The following KIZ variants were observed in gnomAD, a reference collection of about 807,000 sequenced individuals.
KIZ encodes the protein centrosomal protein kizuna.
Under a neutral mutation model 79.6 loss-of-function variants are expected in KIZ, and 68 were observed. That is an observed-to-expected ratio of 0.85 (90% CI 0.70 to 1.05). KIZ has a LOEUF of 1.05. Among genes scored for constraint, KIZ ranks in the 50% least tolerant of loss-of-function variants. KIZ has a pLI of 0.00. For missense variants in KIZ, 797 were observed against 800.4 expected, an observed-to-expected ratio of 1.00 and a Z score of 0.05; for synonymous variants, 280 against 281.8, an observed-to-expected ratio of 0.99 and a Z score of 0.06.
chr20:21,246,347 A>T (rs2037385412), intron 12 of KIZ, 132 bp from the exon 13 acceptor site: 1 of 668,754 alleles, frequency 1.5e-6, no homozygotes, highest in Admixed American at 2.6e-5. Context: ...GGTCAGGTAC[A>T]TCATGTGGTG....
chr20:21,240,747 T>C lies in KIZ; in HGVS notation c.1881-3498T>C, dbSNP rs900507313. 4.6e-5 allele frequency among the ~76,000 whole-genome samples: 7 copies of C among 152,356 alleles called. 1 individual carries two copies. The highest frequency in any genetic ancestry group is 1.0e-4 in the Non-Finnish European group (7 of 68,034). On this transcript the variant is annotated intron_variant, in intron 11 of 12. Transcript: ENST00000619189. ...TAAGAGTGGTTTTCACATTTTTAAA[T>C]GGTTGGAAGAAAATTCAAAGAATAA... is the stretch of plus-strand genomic sequence containing the variant.
intron 10 of KIZ, among the ~76,000 whole-genome samples, chr20:21,231,959 T>A (rs1226932557): frequency 1.3e-5 from 2 of 152,224 alleles, no homozygotes; most frequent in East Asian, 3.9e-4. Flanking sequence ...GGACACATTT[T>A]TAAAATAATC....
At chr20:21,152,837 G>A (rs1443305100) in intron 4 of KIZ, among the ~76,000 whole-genome samples, 2 of 152,118 alleles carry the variant, frequency 1.3e-5, no homozygotes, top group Non-Finnish European at 2.9e-5. Flanking sequence ...ACATAGACTA[G>A]GTTTTATTTA....
intron 4 of KIZ, among the ~76,000 whole-genome samples, chr20:21,156,612 A>G (rs946381327): frequency 5.3e-5 from 8 of 152,326 alleles, no homozygotes; most frequent in African/African-American, 1.2e-4. Flanking sequence ...TATTGGCCCA[A>G]TTGACAAAAT....
chr20:21,166,866 T>G (rs1377878086), intron 6 of KIZ, among the ~76,000 whole-genome samples: 2 of 152,192 alleles, frequency 1.3e-5, no homozygotes, highest in East Asian at 3.9e-4. Context: ...GTGCTGGGAT[T>G]AGAGGCGTGA....
intron 4 of KIZ, among the ~76,000 whole-genome samples, chr20:21,160,600 G>C (rs1297114346): frequency 1.3e-5 from 2 of 152,028 alleles, no homozygotes; most frequent in Non-Finnish European, 2.9e-5. Flanking sequence ...CTAATTATTG[G>C]AGGGGTACTC....
At chr20:21,141,819 ACACACTCTCTCT>A (rs1232869891) in intron 3 of KIZ, among the ~76,000 whole-genome samples, 83 of 142,396 alleles carry the variant, frequency 5.8e-4, no homozygotes, top group African/African-American at 1.8e-3. Context: ...ACACACACAC[ACACACTCTCTCT>A]CTCTCTCTCT....
At chr20:21,182,800 CAAAAA>C (rs763359536) in intron 6 of KIZ, among the ~76,000 whole-genome samples, 15 of 82,662 alleles carry the variant, frequency 1.8e-4, no homozygotes, top group Admixed American at 1.3e-4. Flanking sequence ...GTCCCCCCAC[CAAAAA>C]AAAAAAAAAA....
chr20:21,236,784 C>T (rs1458899254), intron 11 of KIZ, among the ~76,000 whole-genome samples: 9 of 152,036 alleles, frequency 5.9e-5, no homozygotes. Context: ...CACTTGAGGT[C>T]AGGAGTTCAA....
At position 21,145,645 on chromosome 20, in the gene KIZ, C is replaced by G. The variant is rs570978518; in HGVS notation, c.396C>G (p.Asp132Glu). ...TAAAAGAGGAACTGACAGATGAAGA[C>G]AGAGAAAAGGTAATAAACTAAATTG... ...LGLKEELTDE[D>E]REKVAVHEGI... Residue 132 changes from aspartate (D) to glutamate (E), a missense_variant, in exon 4 of 13, where the codon GAC (aspartate) becomes GAG (glutamate). Asp to Glu is a conservative substitution (Grantham distance 45). Transcript: ENST00000619189. The G allele has an allele frequency of 2.2e-5, 32 of 1,468,072 alleles. No homozygotes were observed. The African/African-American group carries it at 3.8e-4, about 18-fold the overall frequency. The allele number at this position is 1,468,072 out of a possible 1,614,324, so 90.9% of individuals were successfully genotyped here.
intron 7 of KIZ, among the ~76,000 whole-genome samples, chr20:21,207,851 C>T (rs1261383500): frequency 2.0e-5 from 3 of 152,054 alleles, no homozygotes; most frequent in Non-Finnish European, 4.4e-5. Flanking sequence ...GCTGGGACTA[C>T]AGGCATGTGC....
intron 2 of KIZ, among the ~76,000 whole-genome samples, chr20:21,133,524 A>C (rs1392482931): frequency 6.6e-6 from 1 of 152,184 alleles, no homozygotes; most frequent in Admixed American, 6.5e-5. Context: ...GTGTGAGAAA[A>C]GGATGGGCAC....
chr20:21,154,367 T>C (rs2033270308), intron 4 of KIZ, among the ~76,000 whole-genome samples: 1 of 152,212 alleles, frequency 6.6e-6, no homozygotes, highest in South Asian at 2.1e-4. Flanking sequence ...CTTCTTATGC[T>C]CACTCCTCTT....
At chr20:21,197,889 G>A (rs2035413019) in intron 6 of KIZ, 1 of 152,152 alleles carries the variant, frequency 6.6e-6, no homozygotes, top group South Asian at 2.1e-4. Flanking sequence ...GAAGCTCACA[G>A]AGCAGCTGTC....
intron 4 of KIZ, among the ~76,000 whole-genome samples, chr20:21,159,947 G>A (rs2033577253): frequency 6.6e-6 from 1 of 152,106 alleles, no homozygotes; most frequent in Middle Eastern, 3.2e-3. Context: ...TTCTAAAGTG[G>A]GTGCACCGTT....
chr20:21,129,062 T>G (rs143369949), intron 1 of KIZ, among the ~76,000 whole-genome samples: 1 of 152,282 alleles, frequency 6.6e-6, no homozygotes, highest in East Asian at 1.9e-4. Context: ...AGATTTAATA[T>G]GTAAGAATTG....
chr20:21,139,922 C>T (rs575731023), intron 3 of KIZ, among the ~76,000 whole-genome samples: 127 of 152,216 alleles, frequency 8.3e-4, no homozygotes, highest in African/African-American at 2.9e-3. Flanking sequence ...CAAATCATGG[C>T]ACTACACTCA....
intron 1 of KIZ, among the ~76,000 whole-genome samples, chr20:21,131,624 C>A (rs761900769): frequency 7.9e-5 from 12 of 152,256 alleles, no homozygotes; most frequent in Admixed American, 2.0e-4. Context: ...ATATACTTAT[C>A]TTGTTTATTA....
At chr20:21,177,088 C>T (rs891073831) in intron 6 of KIZ, among the ~76,000 whole-genome samples, 1 of 151,440 alleles carries the variant, frequency 6.6e-6, no homozygotes, top group African/African-American at 2.4e-5. Flanking sequence ...TCTTTGAGAT[C>T]CTTATTTCAA....
Sources: gnomAD v4.1 joint callset for allele counts (sites outside exome capture counted in the v4.1 genomes callset) on GRCh38, gnomAD v4.1.1 for gene constraint, MANE v1.5 for transcripts, NCBI Gene and HGNC (gene_info 2026-07-23, HGNC 2026-07-21) for gene names.